Variants in WWOX observed in about 807,000 individuals in gnomAD.
WWOX encodes the protein WW domain-containing oxidoreductase.
A neutral mutation model predicts 46.2 loss-of-function variants in WWOX; 69 were observed. The observed-to-expected ratio is 1.49, with a 90% CI of 1.23 to 1.82. WWOX has a LOEUF of 1.82. WWOX is among the 40% of genes most tolerant of loss of function. The pLI is 0.00. For missense variants in WWOX, 919 were observed against 542.6 expected, an observed-to-expected ratio of 1.69 and a Z score of -6.89; for synonymous variants, 359 against 202.6, an observed-to-expected ratio of 1.77 and a Z score of -6.56.
chr16:78,817,457 C>T (rs538177449), intron 8 of WWOX, among the ~76,000 whole-genome samples: 15 of 152,252 alleles, frequency 9.9e-5, no homozygotes, highest in African/African-American at 3.1e-4. Context: ...AAAGATCTAT[C>T]GGAAGAGTTG....
At chr16:78,350,626 G>C (rs2081166989) in intron 5 of WWOX, among the ~76,000 whole-genome samples, 1 of 121,290 alleles carries the variant, frequency 8.2e-6, no homozygotes, top group Non-Finnish European at 2.0e-5. Context: ...GTTGTAGCAT[G>C]TATCAGTACT....
intron 8 of WWOX, among the ~76,000 whole-genome samples, chr16:78,434,095 T>C (rs763184351): frequency 1.1e-4 from 16 of 152,160 alleles, no homozygotes; most frequent in Admixed American, 6.5e-5. Context: ...GGCCTGGGGA[T>C]GACTTTTAAA....
chr16:78,344,972 G>A lies in WWOX; in HGVS notation c.517-41888G>A, dbSNP rs944980080. ...AAAGTCACTTAACCTCTCTGAGCAA[G>A]CTTCCATTTTTCCAGGTGAAAACGG... On this transcript the variant is annotated intron_variant, in intron 5 of 8. Coordinates refer to ENST00000566780, the MANE Select transcript of WWOX (RefSeq NM_016373.4). Among the ~76,000 whole-genome samples the A allele has an allele frequency of 2.0e-4, 24 of 120,440 alleles. 8 individuals carry two copies. Among genetic ancestry groups the A allele is most frequent in the African/African-American group, 6.2e-4 (22 of 35,546 alleles). 79.0% of individuals were successfully genotyped at this position (120,440 alleles called of 152,430 possible).
intron 8 of WWOX, among the ~76,000 whole-genome samples, chr16:79,210,893 T>A (rs2051711881): frequency 6.6e-6 from 1 of 152,188 alleles, no homozygotes; most frequent in Non-Finnish European, 1.5e-5. Flanking sequence ...CATTTTGAAG[T>A]GGGCTGGGAG....
At chr16:78,391,293 G>C (rs2082170124) in intron 6 of WWOX, among the ~76,000 whole-genome samples, 1 of 152,226 alleles carries the variant, frequency 6.6e-6, no homozygotes, top group Non-Finnish European at 1.5e-5. Flanking sequence ...ATGCAAGGCA[G>C]TGTGCTAAGC....
intron 8 of WWOX, among the ~76,000 whole-genome samples, chr16:78,694,829 T>G (rs1889971006): frequency 6.6e-6 from 1 of 152,194 alleles, no homozygotes; most frequent in South Asian, 2.1e-4. Flanking sequence ...CTACTCTTTT[T>G]TTTTTTCCGC....
intron 8 of WWOX, among the ~76,000 whole-genome samples, chr16:78,635,753 T>C (rs2550618): frequency 6.6e-6 from 1 of 152,172 alleles, no homozygotes; most frequent in South Asian, 2.1e-4. Flanking sequence ...TGAAAAGCCC[T>C]GGGCATCATT....
chr16:78,983,870 C>CTTGTTTTTTTTTT (rs2046731908), intron 8 of WWOX, among the ~76,000 whole-genome samples: 2 of 79,844 alleles, frequency 2.5e-5, no homozygotes, highest in Non-Finnish European at 4.4e-5. Flanking sequence ...GAGAGCTATT[C>CTTGTTTTTTTTTT]TTTTTTTTTT....
intron 8 of WWOX, among the ~76,000 whole-genome samples, chr16:78,836,623 T>C (rs1386299265): frequency 6.6e-6 from 1 of 152,184 alleles, no homozygotes; most frequent in Non-Finnish European, 1.5e-5. Context: ...CTCATTTAAT[T>C]CTTGCTACCA....
chr16:78,661,051 A>G lies in WWOX; in HGVS notation c.1056+228299A>G, dbSNP rs373874451. ...CTTAGTAATGAATGTTCCTGCATGT[A>G]TATTTGGTCTGCTTGAGCAAGGATA... is the stretch of plus-strand genomic sequence containing the variant. On this transcript the variant is annotated intron_variant, in intron 8 of 8. Coordinates refer to ENST00000566780, the MANE Select transcript of WWOX (RefSeq NM_016373.4). Among the ~76,000 whole-genome samples the G allele has an allele frequency of 9.9e-5, 15 of 152,276 alleles. No homozygotes were observed. In the South Asian group the frequency reaches 1.9e-3, roughly 19 times the overall value.
intron 6 of WWOX, among the ~76,000 whole-genome samples, chr16:78,411,416 TGAA>T (rs2082677844): frequency 6.6e-6 from 1 of 152,050 alleles, no homozygotes; most frequent in African/African-American, 2.4e-5. Flanking sequence ...AGCAAAACCT[TGAA>T]GAACAATTAG....
At chr16:79,143,842 G>A (rs1400410003) in intron 8 of WWOX, among the ~76,000 whole-genome samples, 2 of 152,138 alleles carry the variant, frequency 1.3e-5, no homozygotes, top group East Asian at 3.9e-4. Flanking sequence ...TCGATCTGCT[G>A]ATATGAAGCC....
intron 8 of WWOX, among the ~76,000 whole-genome samples, chr16:78,948,254 C>T (rs1338558848): frequency 6.6e-6 from 1 of 152,162 alleles, no homozygotes; most frequent in Admixed American, 6.5e-5. Flanking sequence ...ACAGTGGCAC[C>T]ACTAGCTATT....
At chr16:78,997,938 G>A (rs567591557) in intron 8 of WWOX, among the ~76,000 whole-genome samples, 115 of 152,052 alleles carry the variant, frequency 7.6e-4, no homozygotes, top group African/African-American at 2.5e-3. Flanking sequence ...GTACAATGGC[G>A]CGATCTCAGC....
At chr16:78,416,098 C>T (rs533975214) in intron 6 of WWOX, among the ~76,000 whole-genome samples, 49 of 152,256 alleles carry the variant, frequency 3.2e-4, no homozygotes, top group Non-Finnish European at 6.5e-4. Flanking sequence ...GATGAGAATC[C>T]ACCCAAGAAG....
intron 8 of WWOX, among the ~76,000 whole-genome samples, chr16:78,563,040 C>G (rs1173759093): frequency 6.6e-6 from 1 of 151,630 alleles, no homozygotes; most frequent in Admixed American, 6.6e-5. Context: ...CCACGATGCT[C>G]TGCACTTCAA....
At chr16:78,705,839 A>T (rs1019378537) in intron 8 of WWOX, among the ~76,000 whole-genome samples, 2 of 152,154 alleles carry the variant, frequency 1.3e-5, no homozygotes, top group Non-Finnish European at 2.9e-5. Flanking sequence ...TCCTATTCCT[A>T]CAATTCTGGT....
At position 78,099,690 on chromosome 16, in the gene WWOX, C is replaced by G. The variant is rs565620220; in HGVS notation, c.-89C>G. On this transcript the variant is annotated 5_prime_UTR_variant, in exon 1 of 9. Transcript: ENST00000566780. ...GCGTGAGCGGTCGGGCCCCGACGCG[C>G]GCGGGTCTCGTTTGGAGCGGGAGTG... 10 of 1,437,792 alleles carry G rather than the reference C, an allele frequency of 7.0e-6. No homozygotes were observed. The highest frequency in any genetic ancestry group is 1.5e-5 in the African/African-American group (1 of 68,074). 89.1% of individuals were successfully genotyped at this position (1,437,792 alleles called of 1,614,324 possible).
At position 79,178,057 on chromosome 16, in the gene WWOX, C is replaced by T. The variant is rs533935219; in HGVS notation, c.1057-33551C>T. On this transcript the variant is annotated intron_variant, in intron 8 of 8. Coordinates refer to ENST00000566780, the MANE Select transcript of WWOX (RefSeq NM_016373.4). ...CTCTCTGGGGCTTCTTTTAGAAAGG[C>T]ACAAATCCACTCTTGTGATCTAATC... Among the ~76,000 whole-genome samples the T allele has an allele frequency of 1.3e-5, 2 of 152,208 alleles. 1 individual carries two copies. The highest frequency in any genetic ancestry group is 3.9e-4 in the East Asian group (2 of 5,166).
Sources: allele counts gnomAD v4.1 joint callset (sites outside exome capture counted in the v4.1 genomes callset), GRCh38; gene constraint gnomAD v4.1.1; transcripts MANE v1.5; gene names NCBI Gene and HGNC (gene_info 2026-07-23, HGNC 2026-07-21).